The following CCDC171 variants were observed in gnomAD, a reference collection of about 807,000 sequenced individuals.
CCDC171 encodes coiled-coil domain containing 171, also known as coiled-coil domain-containing protein 171.
CCDC171 carries 177 observed loss-of-function variants against 168.2 expected under a neutral mutation model. The ratio of observed to expected loss-of-function variants is 1.05; its 90% CI spans 0.93 to 1.19. The LOEUF (loss-of-function observed/expected upper bound fraction) is 1.19. CCDC171 is among the 50% of genes most tolerant of loss of function. The pLI is 0.00. For synonymous variants in CCDC171, 687 were observed against 540.8 expected, an observed-to-expected ratio of 1.27 and a Z score of -3.75; for missense variants, 1,991 against 1,539.0, an observed-to-expected ratio of 1.29 and a Z score of -4.91.
chr9:15,813,074 A>C (rs1334709155), intron 21 of CCDC171, among the ~76,000 whole-genome samples: 1 of 152,210 alleles, frequency 6.6e-6, no homozygotes, highest in Non-Finnish European at 1.5e-5. Context: ...TTTGGTGGCC[A>C]AAAACGCAGC....
chr9:15,724,742 T>A, intron 13 of CCDC171, 34 bp from the exon 14 acceptor site: 1 of 1,529,268 alleles, frequency 6.5e-7, no homozygotes, highest in Non-Finnish European at 9.0e-7. Context: ...TTGGCTGGCC[T>A]TTCTACAATC....
At chr9:15,859,334 G>T in intron 23 of CCDC171, among the ~76,000 whole-genome samples, 1 of 151,888 alleles carries the variant, frequency 6.6e-6, no homozygotes, top group Non-Finnish European at 1.5e-5. Flanking sequence ...CAGGGATATT[G>T]GCCTGTAGCT....
chr9:15,678,006 C>T (rs543572180), intron 9 of CCDC171, among the ~76,000 whole-genome samples: 1 of 145,458 alleles, frequency 6.9e-6, no homozygotes, highest in South Asian at 2.2e-4. Flanking sequence ...AACTCCTGGG[C>T]TCAAGCAATC....
intron 24 of CCDC171, among the ~76,000 whole-genome samples, chr9:15,917,144 T>C (rs1331863291): frequency 1.3e-5 from 2 of 151,966 alleles, no homozygotes; most frequent in Non-Finnish European, 2.9e-5. Context: ...TTCATTGGTA[T>C]GCTTTACTGT....
intron 6 of CCDC171, among the ~76,000 whole-genome samples, chr9:15,595,864 A>C (rs891554300): frequency 6.6e-6 from 1 of 152,102 alleles, no homozygotes; most frequent in African/African-American, 2.4e-5. Context: ...TAGGTACCTC[A>C]TTGTGGTTTT....
the CCDC171 span, among the ~76,000 whole-genome samples, chr9:16,072,621 T>G: frequency 6.6e-6 from 1 of 152,198 alleles, no homozygotes; most frequent in African/African-American, 2.4e-5. Context: ...TGATCTGGTT[T>G]CTACTTGATC....
intron 3 of CCDC171, among the ~76,000 whole-genome samples, chr9:15,980,931 G>T (rs540349530): frequency 6.6e-6 from 1 of 151,944 alleles, no homozygotes; most frequent in East Asian, 1.9e-4. Context: ...ACAGTTCCAT[G>T]TGGTTGGGAA....
intron 11 of CCDC171, among the ~76,000 whole-genome samples, chr9:15,700,656 AT>A (rs1220455065): frequency 1.8e-4 from 27 of 147,644 alleles, no homozygotes; most frequent in Non-Finnish European, 2.4e-4. Flanking sequence ...TTTATTTTGT[AT>A]TTTTTTTTTA....
At chr9:15,720,084 T>C (rs1266914222) in intron 11 of CCDC171, among the ~76,000 whole-genome samples, 1 of 152,066 alleles carries the variant, frequency 6.6e-6, no homozygotes, top group Non-Finnish European at 1.5e-5. Context: ...TAAATGTTCC[T>C]CTTCTGTTAA....
intron 17 of CCDC171, 105 bp downstream of exon 17, chr9:15,744,882 C>T: frequency 9.7e-7 from 1 of 1,027,000 alleles, no homozygotes; most frequent in Non-Finnish European, 1.4e-6. Context: ...ATGTAATATG[C>T]CAAATAATAT....
intron 18 of CCDC171, among the ~76,000 whole-genome samples, chr9:15,763,585 G>A (rs537683269): frequency 6.6e-6 from 1 of 152,168 alleles, no homozygotes; most frequent in Non-Finnish European, 1.5e-5. Flanking sequence ...GAAATGCCAA[G>A]GTTTTAGAGG....
At chr9:15,747,995 A>G (rs1455527779) in intron 18 of CCDC171, among the ~76,000 whole-genome samples, 1 of 151,968 alleles carries the variant, frequency 6.6e-6, no homozygotes, top group Non-Finnish European at 1.5e-5. Context: ...GAAGCTAAAA[A>G]CCTTGAAAAA....
intron 18 of CCDC171, among the ~76,000 whole-genome samples, chr9:15,756,995 C>T (rs1347784112): frequency 6.6e-6 from 1 of 152,132 alleles, no homozygotes; most frequent in East Asian, 1.9e-4. Flanking sequence ...GTAAATTGCT[C>T]AGTCTCGGGT....
At chr9:15,732,048 T>A (rs1482663177) in intron 16 of CCDC171, among the ~76,000 whole-genome samples, 1 of 152,068 alleles carries the variant, frequency 6.6e-6, no homozygotes, top group African/African-American at 2.4e-5. Context: ...GATATTTGGT[T>A]TTTATTATTG....
At chr9:15,701,063 T>G (rs1268930290) in intron 11 of CCDC171, among the ~76,000 whole-genome samples, 1 of 152,234 alleles carries the variant, frequency 6.6e-6, no homozygotes, top group East Asian at 1.9e-4. Flanking sequence ...TTATGTCCTT[T>G]GCGTGCTTTT....
intron 25 of CCDC171, among the ~76,000 whole-genome samples, chr9:15,925,441 A>G (rs944117109): frequency 5.3e-5 from 8 of 151,588 alleles, no homozygotes; most frequent in African/African-American, 1.9e-4. Context: ...AGAGAGGTCT[A>G]ATATAAGAAT....
At chr9:15,781,997 T>C (rs1456728601) in intron 20 of CCDC171, among the ~76,000 whole-genome samples, 1 of 152,176 alleles carries the variant, frequency 6.6e-6, no homozygotes, top group East Asian at 1.9e-4. Context: ...AAACTCATGC[T>C]TTTATCCACT....
At chr9:15,647,139 T>C (rs1163102385) in intron 7 of CCDC171, among the ~76,000 whole-genome samples, 2 of 152,102 alleles carry the variant, frequency 1.3e-5, no homozygotes, top group Admixed American at 1.3e-4. Flanking sequence ...AACAACCTGC[T>C]CCTGAATGAC....
intron 25 of CCDC171, among the ~76,000 whole-genome samples, chr9:15,944,836 T>TTTTCTTTCTTTCTTTC (rs1554691551): frequency 0.012 from 1,544 of 129,830 alleles, 12 homozygotes; most frequent in Non-Finnish European, 0.014. Context: ...TTTCTTTCTT[T>TTTTCTTTCTTTCTTTC]TTTCTTTCTT....
Sources: gnomAD v4.1 joint callset for allele counts (sites outside exome capture counted in the v4.1 genomes callset) on GRCh38, gnomAD v4.1.1 for gene constraint, MANE v1.5 for transcripts, NCBI Gene and HGNC (gene_info 2026-07-23, HGNC 2026-07-21) for gene names.